Variants in STK32B observed in about 807,000 individuals in gnomAD.
STK32B encodes the protein serine/threonine-protein kinase 32B.
Under a neutral mutation model 52.6 loss-of-function variants are expected in STK32B, and 43 were observed. That is an observed-to-expected ratio of 0.82 (90% CI 0.64 to 1.05). STK32B has a LOEUF of 1.05. Among genes scored for constraint, STK32B ranks in the 50% least tolerant of loss-of-function variants. The probability of loss-of-function intolerance (pLI) is 0.00; values close to 1 mark genes in which losing one functional copy is unlikely to be tolerated. For synonymous variants in STK32B, 238 were observed against 204.3 expected (o/e 1.17, Z -1.41); for missense variants, 621 against 534.6 (o/e 1.16, Z -1.59).
chr4:5,330,221 A>G (rs1577355784), intron 3 of STK32B, among the ~76,000 whole-genome samples: 2 of 152,186 alleles, frequency 1.3e-5, no homozygotes, highest in African/African-American at 4.8e-5. Flanking sequence ...CTAAGCTTCC[A>G]TGATTACATT....
chr4:5,388,372 G>T (rs976680738), intron 4 of STK32B, among the ~76,000 whole-genome samples: 1 of 152,160 alleles, frequency 6.6e-6, no homozygotes, highest in Admixed American at 6.5e-5. Context: ...AACTGAGTAA[G>T]TCCTTGACAT....
chr4:5,454,278 G>A (rs1342188051), intron 7 of STK32B, among the ~76,000 whole-genome samples: 5 of 152,172 alleles, frequency 3.3e-5, no homozygotes, highest in Admixed American at 6.5e-5. Context: ...CACACACTGG[G>A]TGGCTTAAAC....
intron 3 of STK32B, among the ~76,000 whole-genome samples, chr4:5,286,963 A>G (rs1444978837): frequency 6.6e-6 from 1 of 151,832 alleles, no homozygotes; most frequent in Admixed American, 6.6e-5. Flanking sequence ...ACGCCAGGCT[A>G]ATTTTTGTAT....
intron 3 of STK32B, among the ~76,000 whole-genome samples, chr4:5,256,509 G>A (rs1038137851): frequency 6.6e-6 from 1 of 152,164 alleles, no homozygotes; most frequent in African/African-American, 2.4e-5. Flanking sequence ...TGCTTCCCCT[G>A]TTGAGTAAAT....
At chr4:5,272,400 G>T (rs368789072) in intron 3 of STK32B, among the ~76,000 whole-genome samples, 1 of 142,650 alleles carries the variant, frequency 7.0e-6, no homozygotes, top group African/African-American at 2.7e-5. Context: ...TGCTGGATTC[G>T]GTTTGCCAGT....
At chr4:5,059,005 C>T (rs1742113939) in intron 1 of STK32B, among the ~76,000 whole-genome samples, 1 of 146,710 alleles carries the variant, frequency 6.8e-6, no homozygotes, top group Non-Finnish European at 1.5e-5. Context: ...CCCACCTTGG[C>T]CTCCCAAAGT....
chr4:5,301,993 C>G (rs892932769), intron 3 of STK32B, among the ~76,000 whole-genome samples: 30 of 150,472 alleles, frequency 2.0e-4, no homozygotes, highest in African/African-American at 9.7e-5. Flanking sequence ...GTGGTTTTTC[C>G]CCCATTATTC....
the STK32B span, among the ~76,000 whole-genome samples, chr4:5,044,864 T>C: frequency 6.6e-6 from 1 of 152,138 alleles, no homozygotes; most frequent in African/African-American, 2.4e-5. Context: ...TGAGCCATGA[T>C]TGTGCCACTG....
chr4:5,278,900 A>G (rs1728012536), intron 3 of STK32B, among the ~76,000 whole-genome samples: 2 of 152,022 alleles, frequency 1.3e-5, no homozygotes, highest in African/African-American at 4.8e-5. Context: ...ACCATATCTC[A>G]TGAGAACACA....
At chr4:5,249,437 ACCTACCTTCCTTCCTT>A (rs1333003031) in intron 3 of STK32B, among the ~76,000 whole-genome samples, 2 of 107,576 alleles carry the variant, frequency 1.9e-5, no homozygotes, top group Non-Finnish European at 3.6e-5. Context: ...CTTCCTTCCT[ACCTACCTTCCTTCCTT>A]CCTTCCTTCC....
chr4:5,091,044 A>T (rs977388908), intron 1 of STK32B, among the ~76,000 whole-genome samples: 1 of 152,238 alleles, frequency 6.6e-6, no homozygotes, highest in Non-Finnish European at 1.5e-5. Context: ...CAAACATTTA[A>T]ATGAAAATTA....
the STK32B span, among the ~76,000 whole-genome samples, chr4:5,043,390 ATATT>A: frequency 1.1e-4 from 16 of 152,218 alleles, no homozygotes; most frequent in Admixed American, 1.0e-3. Flanking sequence ...GTTTTCAAGC[ATATT>A]TATTATGTAT....
In STK32B at chr4:5,437,906, A is replaced by C. The variant is rs1019129721; in HGVS notation, c.563-8767A>C. 7.1e-6 allele frequency: 7 copies of C among 985,314 alleles called. No homozygotes were observed. In the East Asian group the frequency reaches 5.7e-4, roughly 80 times the overall value. 61.0% of individuals were successfully genotyped at this position (985,314 alleles called of 1,614,324 possible). On this transcript the variant is annotated intron_variant, in intron 6 of 11. Transcript: ENST00000282908. ...TTGGTGGCATAGGGATTATGATATC[A>C]ATATTGTTGTGTTCTACCATCAGCT...
chr4:5,140,022 T>C, intron 2 of STK32B, 62 bp downstream of exon 2: 2 of 1,594,202 alleles, frequency 1.3e-6, no homozygotes, highest in Non-Finnish European at 1.7e-6. Context: ...TGTGTCTGTG[T>C]GTTGGTTGCT....
At chr4:5,273,340 C>A in intron 3 of STK32B, among the ~76,000 whole-genome samples, 1 of 63,418 alleles carries the variant, frequency 1.6e-5, no homozygotes, top group East Asian at 5.1e-4. Context: ...AGTCAGGAAA[C>A]AACAGGTGCT....
rs1736943833 is a variant in STK32B at position 5,396,725 on chromosome 4, G to A, written c.435-1482G>A. 1.3e-5 allele frequency among the ~76,000 whole-genome samples: 2 copies of A among 152,174 alleles called. No homozygotes were observed. Among genetic ancestry groups the A allele is most frequent in the Admixed American group, 1.3e-4 (2 of 15,268 alleles). ...TAAGAGATAAGCTTGAACATTTGCT[G>A]CTGTGTTTTCATTCTTGACATGTAT... On this transcript the variant is annotated intron_variant, in intron 4 of 11. Coordinates refer to ENST00000282908, the MANE Select transcript of STK32B (RefSeq NM_018401.3). The surrounding 1 kb of genome is among the most constrained non-coding windows in gnomAD (Gnocchi z 4.7).
intron 1 of STK32B, among the ~76,000 whole-genome samples, chr4:5,110,632 G>C (rs1268758288): frequency 6.6e-6 from 1 of 152,096 alleles, no homozygotes; most frequent in Non-Finnish European, 1.5e-5. Context: ...AGACCTAAAT[G>C]TAAGACCTGA....
chr4:5,492,220 G>T (rs1719795244), intron 11 of STK32B, among the ~76,000 whole-genome samples: 1 of 152,174 alleles, frequency 6.6e-6, no homozygotes, highest in African/African-American at 2.4e-5. Context: ...AGCATGGAAT[G>T]TTCTTCCATT....
At chr4:5,309,373 T>C (rs1275270148) in intron 3 of STK32B, among the ~76,000 whole-genome samples, 3 of 134,414 alleles carry the variant, frequency 2.2e-5, no homozygotes, top group African/African-American at 1.1e-4. Context: ...ATCACAGAAA[T>C]AGAAAAAAAA....
Sources: gnomAD v4.1 joint callset for allele counts (sites outside exome capture counted in the v4.1 genomes callset) on GRCh38, gnomAD v4.1.1 for gene constraint, Gnocchi (gnomAD v3.1) non-coding constraint, MANE v1.5 for transcripts, NCBI Gene and HGNC (gene_info 2026-07-23, HGNC 2026-07-21) for gene names.